CEP131: variants seen among roughly 807,000 people sequenced by gnomAD.
CEP131 encodes centrosomal protein of 131 kDa.
CEP131 carries 99 observed loss-of-function variants against 136.8 expected under a neutral mutation model. The ratio of observed to expected loss-of-function variants is 0.72; its 90% CI spans 0.62 to 0.86. CEP131 has a LOEUF of 0.86. Ranked by LOEUF, CEP131 falls within the 40% of genes least tolerant of loss-of-function variation. The pLI is 0.00. For missense variants in CEP131, 1,459 were observed against 1,463.0 expected, an observed-to-expected ratio of 1.00 and a Z score of 0.04; for synonymous variants, 646 against 612.7, an observed-to-expected ratio of 1.05 and a Z score of -0.80.
At chr17:81,195,455 A>G (rs2061733466) in intron 16 of CEP131, among the ~76,000 whole-genome samples, 1 of 152,224 alleles carries the variant, frequency 6.6e-6, no homozygotes, top group Non-Finnish European at 1.5e-5. Flanking sequence ...CACAGCGGGA[A>G]GGGGCGGGGA....
rs1320300869 is a variant in CEP131, at chr17:81,197,067, GC to G, written c.1648-13del. 1 of 1,581,116 alleles carries G rather than the reference GC, an allele frequency of 6.3e-7. No individual in the cohort carries two copies. The highest frequency in any genetic ancestry group is 1.8e-5 in the Admixed American group (1 of 55,366). ...TCCGGCACCCACCCCTGCAGACACAGCCGAGCGTCAGGCGGAAGCGGCAGAG... is the reference window on the plus strand; with the variant it reads ...TCCGGCACCCACCCCTGCAGACACAGCGAGCGTCAGGCGGAAGCGGCAGAG... On this transcript the variant is annotated splice_polypyrimidine_tract_variant and intron_variant, in intron 13 of 25. Coordinates refer to ENST00000450824, the MANE Select transcript of CEP131 (RefSeq NM_014984.4).
At position 81,206,750 on chromosome 17, in the gene CEP131, T is replaced by G. The variant is rs1254350110; in HGVS notation, c.509A>C (p.Asn170Thr). The G allele has an allele frequency of 1.9e-6, 3 of 1,613,260 alleles. No individual in the cohort carries two copies. Among genetic ancestry groups the G allele is most frequent in the Non-Finnish European group, 2.5e-6 (3 of 1,179,556 alleles). The change falls in exon 5 of 26, where the codon AAC becomes ACC. Residue 170 changes from asparagine to threonine, a missense_variant. By Grantham distance (65) the Asn-to-Thr change is moderately conservative (BLOSUM62 0). Around this residue, in one of 3 missense-constraint regions of CEP131, gnomAD observed 246 missense variants for 318.9 expected, o/e 0.77. Transcript: ENST00000450824. ...TVALAPNFTA[N>T]NRSNKGAVGN... Reference sequence around the variant, plus strand: ...GCACCTGCACAGGTCGTACCTGTTGTTAGCAGTGAAGTTGGGGGCCAGGGC... The same window carrying G: ...GCACCTGCACAGGTCGTACCTGTTGGTAGCAGTGAAGTTGGGGGCCAGGGC...
chr17:81,190,824 T>C (rs368486448), intron 23 of CEP131, 22 bp from the exon 24 acceptor site: 40 of 1,593,650 alleles, frequency 2.5e-5, no homozygotes, highest in East Asian at 1.3e-4. Flanking sequence ...CAGAAGGCAG[T>C]GAGCCGGCTG....
intron 1 of CEP131, among the ~76,000 whole-genome samples, chr17:81,222,384 C>A (rs957960798): frequency 6.6e-6 from 1 of 152,220 alleles, no homozygotes; most frequent in African/African-American, 2.4e-5. Context: ...AGGGCAGCTC[C>A]CATCTCCCCA....
chr17:81,197,328 C>G (rs2061782225), intron 13 of CEP131: 13 of 557,256 alleles, frequency 2.3e-5, no homozygotes, highest in Middle Eastern at 4.8e-4. Flanking sequence ...CAATAAAGTT[C>G]ACGTCACTGC....
chr17:81,191,382 G>A lies in CEP131; in HGVS notation c.2623-47C>T, dbSNP rs115229120. ...GGGGGTTGCCACCCGGAGCCGGCCCGCGGGGCCAGGGCCAGCCTCAGGGGG... is the reference window on the plus strand; with the variant it reads ...GGGGGTTGCCACCCGGAGCCGGCCCACGGGGCCAGGGCCAGCCTCAGGGGG... On this transcript the variant is annotated intron_variant, in intron 21 of 25. Coordinates refer to ENST00000450824, the MANE Select transcript of CEP131 (RefSeq NM_014984.4). The A allele has an allele frequency of 1.3e-3, 2,038 of 1,607,008 alleles. 26 individuals are homozygous for A. The African/African-American group carries it at 0.024, about 19-fold the overall frequency.
At chr17:81,196,245 C>T (rs2061752749) in intron 15 of CEP131, among the ~76,000 whole-genome samples, 1 of 152,234 alleles carries the variant, frequency 6.6e-6, no homozygotes, top group African/African-American at 2.4e-5. Context: ...GGTAGCTCTG[C>T]CGAGGCCATC....
rs765157636 is a variant in CEP131, at chr17:81,203,535, C to T, written c.588G>A (p.Ala196=). ...VHNRYTPSER[A]PPLKSSNQTA... ...TCTGGTTGGAGCTCTTGAGCGGAGG[C>T]GCCCTCTCCGAGGGGGTGTAGCGGT... Residue 196 remains alanine, a synonymous_variant, in exon 6 of 26, where the codon GCG becomes GCA. Transcript: ENST00000450824. The surrounding 1 kb of genome is among the most constrained non-coding windows in gnomAD (Gnocchi z 4.6). 1.1e-5 allele frequency: 18 copies of T among 1,608,664 alleles called. 1 individual carries two copies. The South Asian group carries it at 1.2e-4, about 11-fold the overall frequency.
chr17:81,189,862 G>A lies in CEP131; in HGVS notation c.3169-19C>T, dbSNP rs753661781. 15 of 1,612,272 alleles carry A rather than the reference G, an allele frequency of 9.3e-6. No individual in the cohort carries two copies. Among genetic ancestry groups the A allele is most frequent in the Admixed American group, 8.3e-5 (5 of 59,988 alleles). On this transcript the variant is annotated intron_variant, in intron 25 of 25. Coordinates refer to ENST00000450824, the MANE Select transcript of CEP131 (RefSeq NM_014984.4). ...CCGCAGCCTGCAGCACACCCACAGG[G>A]TCAGGCCTGCTCCCAGCCCCGAGGT...
rs1598322225 is a variant in CEP131, at chr17:81,215,414, A to G, written c.177+4466T>C. ...TCCCGGCCCCCTTTCAAATTTTTTT[A>G]TTTATTTAATTTTTTTTGAAATGGA... is the stretch of plus-strand genomic sequence containing the variant. On this transcript the variant is annotated intron_variant, in intron 2 of 25. Transcript: ENST00000450824. The surrounding 1 kb of genome is among the most constrained non-coding windows in gnomAD (Gnocchi z 4.1). Among the ~76,000 whole-genome samples the G allele has an allele frequency of 6.6e-6, 1 of 151,858 alleles. No homozygotes were observed. Among genetic ancestry groups the G allele is most frequent in the East Asian group, 1.9e-4 (1 of 5,152 alleles).
chr17:81,199,681 G>T, intron 9 of CEP131, 38 bp downstream of exon 9: 2 of 1,602,170 alleles, frequency 1.2e-6, no homozygotes, highest in Non-Finnish European at 8.5e-7. Context: ...TCAGGCCTGG[G>T]CCACGGTGCT....
chr17:81,218,797 A>AG lies in CEP131; in HGVS notation c.177+1082dup, dbSNP rs547302451. On this transcript the variant is annotated intron_variant, in intron 2 of 25. Coordinates refer to ENST00000450824, the MANE Select transcript of CEP131 (RefSeq NM_014984.4). ...CACAGGAATAACTTTTTCAAGGAGAAGGGGGAGGTCCAAGCCTTTTATTCA... is the reference window on the plus strand; with the variant it reads ...CACAGGAATAACTTTTTCAAGGAGAAGGGGGGAGGTCCAAGCCTTTTATTCA... Among the ~76,000 whole-genome samples, 446 of 152,332 alleles carry AG rather than the reference A, an allele frequency of 2.9e-3. 3 individuals are homozygous for AG. The highest frequency in any genetic ancestry group is 0.01 in the African/African-American group (422 of 41,580).
intron 5 of CEP131, among the ~76,000 whole-genome samples, chr17:81,205,446 GTGGGGGGGTA>G (rs2061986648): frequency 2.9e-5 from 2 of 68,132 alleles, no homozygotes; most frequent in African/African-American, 1.5e-4. Context: ...GGTAGGAGGG[GTGGGGGGGTA>G]GGAGGGGCGG....
At chr17:81,214,415 G>A (rs1224783228) in intron 2 of CEP131, among the ~76,000 whole-genome samples, 1 of 152,010 alleles carries the variant, frequency 6.6e-6, no homozygotes, top group African/African-American at 2.4e-5. Context: ...ACTTAGCCCG[G>A]CATGGTGGCA....
intron 5 of CEP131, among the ~76,000 whole-genome samples, 175 bp downstream of exon 5, chr17:81,206,569 C>G (rs55844247): frequency 0.43 from 65,683 of 152,116 alleles, 14,671 homozygotes; most frequent in Non-Finnish European, 0.49. Context: ...TGCAAGACGC[C>G]ACCTGGCAGC....
At position 81,198,313 on chromosome 17, in the gene CEP131, G is replaced by C. The variant is rs546507091; in HGVS notation, c.1288-16C>G. On this transcript the variant is annotated splice_polypyrimidine_tract_variant and intron_variant, in intron 11 of 25. Transcript: ENST00000450824. The stretch of plus-strand genomic sequence containing the variant: ...CAAGAACGTCCTGCAAAAGAGCAGG[G>C]AGACAGATGCAGCAAGGCTGCTGGT... 6.5e-5 allele frequency: 102 copies of C among 1,579,514 alleles called. 3 individuals carry two copies. The South Asian group carries it at 1.1e-3, about 17-fold the overall frequency.
chr17:81,200,137 C>T, intron 8 of CEP131, 192 bp downstream of exon 8: 1 of 615,074 alleles, frequency 1.6e-6, no homozygotes, highest in South Asian at 2.0e-5. Context: ...GACACCCAGG[C>T]CCTGAGGACC....
intron 16 of CEP131, among the ~76,000 whole-genome samples, chr17:81,195,460 C>T (rs996576196): frequency 2.6e-5 from 4 of 152,158 alleles, no homozygotes; most frequent in Admixed American, 2.0e-4. Flanking sequence ...CGGGAAGGGG[C>T]GGGGAGTCAA....
chr17:81,212,253 C>A (rs1203531489), intron 2 of CEP131, among the ~76,000 whole-genome samples: 2 of 146,036 alleles, frequency 1.4e-5, no homozygotes, highest in Non-Finnish European at 3.0e-5. Context: ...AACTGGGAGG[C>A]GGAGGTTGCA....
Sources: allele counts gnomAD v4.1 joint callset (sites outside exome capture counted in the v4.1 genomes callset), GRCh38; gene constraint gnomAD v4.1.1; regional missense constraint gnomAD v4.1.1; non-coding constraint Gnocchi (gnomAD v3.1); transcripts MANE v1.5; gene names NCBI Gene and HGNC (gene_info 2026-07-23, HGNC 2026-07-21).